Variants in CNTNAP2 observed in about 807,000 individuals in gnomAD.
CNTNAP2 encodes contactin associated protein 2.
CNTNAP2 carries 98 observed loss-of-function variants against 155.2 expected under a neutral mutation model. The observed-to-expected ratio is 0.63, with a 90% CI of 0.54 to 0.75. CNTNAP2 has a LOEUF of 0.75. Among genes scored for constraint, CNTNAP2 ranks in the 30% least tolerant of loss-of-function variants. The pLI, the probability that CNTNAP2 is intolerant of heterozygous loss-of-function variation, is 0.00. For missense variants in CNTNAP2, 1,727 were observed against 1,688.1 expected (o/e 1.02, Z -0.40); for synonymous variants, 651 against 631.2 (o/e 1.03, Z -0.47).
intron 6 of CNTNAP2, among the ~76,000 whole-genome samples, chr7:147,127,307 A>G (rs1801260360): frequency 6.6e-6 from 1 of 151,322 alleles, no homozygotes; most frequent in African/African-American, 2.4e-5. Flanking sequence ...TTATATATGA[A>G]CTGTGTGGCA....
intron 3 of CNTNAP2, among the ~76,000 whole-genome samples, chr7:147,040,016 G>C (rs1799228213): frequency 6.6e-6 from 1 of 152,130 alleles, no homozygotes; most frequent in African/African-American, 2.4e-5. Flanking sequence ...GAGTATAACA[G>C]ACAATCTATA....
chr7:147,365,071 T>G (rs2116902908), intron 9 of CNTNAP2, among the ~76,000 whole-genome samples: 1 of 152,238 alleles, frequency 6.6e-6, no homozygotes, highest in African/African-American at 2.4e-5. Flanking sequence ...TGTCATTCTT[T>G]AATTTCTATT....
chr7:147,647,367 A>G (rs926707706), intron 13 of CNTNAP2, among the ~76,000 whole-genome samples: 6 of 152,076 alleles, frequency 3.9e-5, no homozygotes, highest in African/African-American at 1.2e-4. Flanking sequence ...GCCAATTTCA[A>G]TGTAAGAGGA....
intron 9 of CNTNAP2, among the ~76,000 whole-genome samples, chr7:147,367,626 C>A (rs375284303): frequency 8.7e-4 from 132 of 152,182 alleles, no homozygotes; most frequent in African/African-American, 3.2e-3. Context: ...AAAGGCAAAA[C>A]ACACTCAGCA....
At chr7:148,387,039 TTA>T (rs1491133975) in intron 22 of CNTNAP2, among the ~76,000 whole-genome samples, 1 of 152,164 alleles carries the variant, frequency 6.6e-6, no homozygotes, top group Non-Finnish European at 1.5e-5. Flanking sequence ...GAGAGAGGAC[TTA>T]CGGTAGGTTT....
In CNTNAP2 at chr7:148,341,084, C is replaced by G. The variant is rs114464002; in HGVS notation, c.3476-42565C>G. Reference sequence around the variant, plus strand: ...ATGCACATATGCTATGCACTTAGCGCTGATTGTGAAGAAACACCAAGGTGG... The same window carrying G: ...ATGCACATATGCTATGCACTTAGCGGTGATTGTGAAGAAACACCAAGGTGG... On this transcript the variant is annotated intron_variant, in intron 21 of 23. Transcript: ENST00000361727. Among the ~76,000 whole-genome samples the G allele has an allele frequency of 5.5e-4, 83 of 152,284 alleles. 1 individual carries two copies. Among genetic ancestry groups the G allele is most frequent in the African/African-American group, 1.9e-3 (80 of 41,560 alleles).
At chr7:146,621,978 G>A (rs140387411) in intron 1 of CNTNAP2, among the ~76,000 whole-genome samples, 5 of 152,024 alleles carry the variant, frequency 3.3e-5, no homozygotes, top group Non-Finnish European at 5.9e-5. Flanking sequence ...ATAGTACCTT[G>A]TTTCTCTTTT....
intron 1 of CNTNAP2, among the ~76,000 whole-genome samples, chr7:146,592,349 A>G (rs868420391): frequency 1.3e-5 from 2 of 152,206 alleles, no homozygotes; most frequent in Admixed American, 6.5e-5. Flanking sequence ...TCCCCTTTAG[A>G]TATTTGGTTA....
intron 2 of CNTNAP2, among the ~76,000 whole-genome samples, chr7:146,776,484 AC>A (rs1156928927): frequency 6.6e-6 from 1 of 152,150 alleles, no homozygotes; most frequent in Non-Finnish European, 1.5e-5. Flanking sequence ...TGAGCAAGGA[AC>A]CCATTTCCAT....
At chr7:146,334,429 T>TAAA (rs1563043211) in intron 1 of CNTNAP2, among the ~76,000 whole-genome samples, 5 of 86,994 alleles carry the variant, frequency 5.7e-5, no homozygotes, top group African/African-American at 2.4e-4. Flanking sequence ...AGACTCCGTC[T>TAAA]CAAAAAAAAA....
chr7:148,067,694 G>A (rs1803294754), intron 15 of CNTNAP2, among the ~76,000 whole-genome samples: 1 of 152,208 alleles, frequency 6.6e-6, no homozygotes, highest in Admixed American at 6.5e-5. Flanking sequence ...TCAGGTGATG[G>A]GTTGGACCAT....
chr7:146,337,301 TA>T lies in CNTNAP2; in HGVS notation c.97+220341del, dbSNP rs11418259. 6.1e-3 allele frequency among the ~76,000 whole-genome samples: 822 copies of T among 134,368 alleles called. 4 individuals carry two copies. The highest frequency in any genetic ancestry group is 0.018 in the African/African-American group (691 of 38,370). The allele number at this position is 134,368 out of a possible 152,430, so 88.2% of individuals were successfully genotyped here. On this transcript the variant is annotated intron_variant, in intron 1 of 23. Coordinates refer to ENST00000361727, the MANE Select transcript of CNTNAP2 (RefSeq NM_014141.6). Reference sequence around the variant, plus strand: ...GATTTTACATGAGGTTGTTCTAACATAAAAAAAAAAAAACAAACTACGTAAA... The same window carrying T: ...GATTTTACATGAGGTTGTTCTAACATAAAAAAAAAAAACAAACTACGTAAA...
rs545128146 is a variant in CNTNAP2 at position 146,852,712 on chromosome 7, T to C, written c.402+12808T>C. On this transcript the variant is annotated intron_variant, in intron 3 of 23. Transcript: ENST00000361727. ...CCAGAGCCAAAACAGCTTTCCCCAA[T>C]TAAAAGTTGAGGTTGAATTGCTAAT... Among the ~76,000 whole-genome samples, 23 of 152,298 alleles carry C rather than the reference T, an allele frequency of 1.5e-4. No homozygotes were observed. The South Asian group carries it at 2.3e-3, about 15-fold the overall frequency.
intron 11 of CNTNAP2, among the ~76,000 whole-genome samples, chr7:147,547,934 A>G (rs851818): frequency 0.7 from 106,766 of 152,034 alleles, 37,663 homozygotes; most frequent in African/African-American, 0.75. Context: ...AAAAGGACAT[A>G]ATCTCATTCC....
chr7:146,453,914 C>A (rs970073400), intron 1 of CNTNAP2, among the ~76,000 whole-genome samples: 13 of 151,844 alleles, frequency 8.6e-5, no homozygotes, highest in Admixed American at 8.5e-4. Flanking sequence ...AGCTATGGGG[C>A]AACTTGGGGT....
chr7:146,434,946 T>C (rs371012087), intron 1 of CNTNAP2, among the ~76,000 whole-genome samples: 4 of 152,260 alleles, frequency 2.6e-5, no homozygotes, highest in African/African-American at 9.6e-5. Context: ...ATCAAAAGTG[T>C]GCAATTCACA....
chr7:147,756,471 AC>A (rs769957793), intron 13 of CNTNAP2, among the ~76,000 whole-genome samples: 1 of 152,226 alleles, frequency 6.6e-6, no homozygotes, highest in Non-Finnish European at 1.5e-5. Flanking sequence ...GTCACTTGTC[AC>A]TGTGCAGCTG....
intron 14 of CNTNAP2, among the ~76,000 whole-genome samples, chr7:147,959,255 T>C (rs1801075409): frequency 6.6e-6 from 1 of 152,018 alleles, no homozygotes; most frequent in Admixed American, 6.6e-5. Context: ...AGTTGCCTCA[T>C]AGCGTCTTTC....
chr7:146,436,605 AAAC>A, intron 1 of CNTNAP2, among the ~76,000 whole-genome samples: 1 of 152,348 alleles, frequency 6.6e-6, no homozygotes, highest in Admixed American at 6.5e-5. Flanking sequence ...GAAAAGCTAA[AAAC>A]AATAAAACAC....
Sources: allele counts gnomAD v4.1 joint callset (sites outside exome capture counted in the v4.1 genomes callset), GRCh38; gene constraint gnomAD v4.1.1; transcripts MANE v1.5; gene names NCBI Gene and HGNC (gene_info 2026-07-23, HGNC 2026-07-21).